SLC9A6: variants seen among roughly 807,000 people sequenced by gnomAD.
SLC9A6 encodes the protein solute carrier family 9 member A6, also known as sodium/hydrogen exchanger 6.
SLC9A6 carries 6 observed loss-of-function variants against 45.3 expected under a neutral mutation model. The ratio of observed to expected loss-of-function variants is 0.13; its 90% CI spans 0.07 to 0.26. The LOEUF (loss-of-function observed/expected upper bound fraction) is 0.26, where lower values mean the gene tolerates loss of function less well. Ranked by LOEUF, SLC9A6 falls within the 10% of genes least tolerant of loss-of-function variation. The pLI, the probability that SLC9A6 is intolerant of heterozygous loss-of-function variation, is 1.00. For missense variants in SLC9A6, 278 were observed against 503.7 expected (o/e 0.55, Z 4.29); for synonymous variants, 191 against 187.7 (o/e 1.02, Z -0.14).
chrX:135,995,513 G>A (rs782317390), intron 3 of SLC9A6, among the ~76,000 whole-genome samples: 1 of 110,318 alleles, frequency 9.1e-6, no homozygotes, highest in Non-Finnish European at 1.9e-5. Context: ...TAGTAGAGAC[G>A]GGGTTCTACC....
At chrX:136,005,405 G>A (rs1336404916) in intron 7 of SLC9A6, among the ~76,000 whole-genome samples, 3 of 112,781 alleles carry the variant, frequency 2.7e-5, no homozygotes, top group African/African-American at 9.7e-5. Flanking sequence ...AGCCGGCTGG[G>A]CGCAGTGGCT....
chrX:136,008,801 A>G (rs112561367), intron 7 of SLC9A6, among the ~76,000 whole-genome samples: 2 of 112,373 alleles, frequency 1.8e-5, no homozygotes, highest in African/African-American at 3.2e-5. Context: ...TAAAATATCA[A>G]TTGATACAGA....
rs1006169808 is a variant in SLC9A6 at position 136,003,941 on chromosome X, A to G, written c.743+1728A>G. Reference sequence around the variant, plus strand: ...AGATATGTAGTTATGTATTACTTATACCAATTTAATTGCAGACAATTTTGA... The same window carrying G: ...AGATATGTAGTTATGTATTACTTATGCCAATTTAATTGCAGACAATTTTGA... On this transcript the variant is annotated intron_variant, in intron 7 of 17. Coordinates refer to ENST00000630721, the MANE Select transcript of SLC9A6 (RefSeq NM_001379110.1). Among the ~76,000 whole-genome samples, 17 of 111,066 alleles carry G rather than the reference A, an allele frequency of 1.5e-4. No individual in the cohort carries two copies. The Admixed American group carries it at 1.6e-3, about 11-fold the overall frequency.
At chrX:136,007,638 A>G (rs891156851) in intron 7 of SLC9A6, among the ~76,000 whole-genome samples, 1 of 111,895 alleles carries the variant, frequency 8.9e-6, no homozygotes, top group East Asian at 2.8e-4. Context: ...TAGTATACAT[A>G]TAAATATGTT....
At chrX:135,993,037 G>A (rs2089454804) in intron 2 of SLC9A6, among the ~76,000 whole-genome samples, 1 of 112,252 alleles carries the variant, frequency 8.9e-6, no homozygotes, top group Non-Finnish European at 1.9e-5. Context: ...GTTAAGGAAA[G>A]TTCCAGAAGT....
rs782139718 is a variant in SLC9A6, at chrX:136,008,397, G to A, written c.744-2045G>A. ...ATTACAGGCATGCACCACCATGCCC[G>A]GCTAATTTTGTATTTTTATTTTTAG... On this transcript the variant is annotated intron_variant, in intron 7 of 17. Coordinates refer to ENST00000630721, the MANE Select transcript of SLC9A6 (RefSeq NM_001379110.1). Among the ~76,000 whole-genome samples, 11 of 111,313 alleles carry A rather than the reference G, an allele frequency of 9.9e-5. No individual in the cohort carries two copies. The South Asian group carries it at 4.2e-3, about 42-fold the overall frequency.
chrX:135,987,150 A>G (rs1297579141), intron 2 of SLC9A6, among the ~76,000 whole-genome samples: 1 of 111,963 alleles, frequency 8.9e-6, no homozygotes, highest in Admixed American at 9.5e-5. Flanking sequence ...CCTGCGTGTA[A>G]AATATCTCTG....
intron 11 of SLC9A6, among the ~76,000 whole-genome samples, chrX:136,020,081 G>A (rs2071093634): frequency 8.9e-6 from 1 of 111,919 alleles, no homozygotes; most frequent in African/African-American, 3.3e-5. Flanking sequence ...TATATGAAGG[G>A]TATATACTTA....
intron 2 of SLC9A6, among the ~76,000 whole-genome samples, chrX:135,993,245 A>G (rs2089457549): frequency 8.9e-6 from 1 of 111,768 alleles, no homozygotes; most frequent in African/African-American, 3.3e-5. Context: ...CCATAAAGAA[A>G]GAAAGTAGAT....
chrX:136,023,712 T>C (rs1296567277), intron 12 of SLC9A6, among the ~76,000 whole-genome samples: 2 of 110,756 alleles, frequency 1.8e-5, no homozygotes, highest in East Asian at 5.7e-4. Context: ...GATGAAACCA[T>C]TCTGTGTCTT....
At chrX:136,010,732 A>C (rs1432431896) in intron 8 of SLC9A6, 149 bp downstream of exon 8, 2 of 540,011 alleles carry the variant, frequency 3.7e-6, no homozygotes, top group African/African-American at 4.7e-5. Flanking sequence ...ATTAAGCAAC[A>C]GTCTTTGCCA....
At chrX:136,000,355 AT>A (rs2089564503) in intron 6 of SLC9A6, among the ~76,000 whole-genome samples, 1 of 110,704 alleles carries the variant, frequency 9.0e-6, no homozygotes, top group South Asian at 3.9e-4. Context: ...TGGAAATTAA[AT>A]TGCTTCCTTA....
chrX:135,989,718 G>C (rs1238142181), intron 2 of SLC9A6, among the ~76,000 whole-genome samples: 2 of 111,704 alleles, frequency 1.8e-5, no homozygotes, highest in African/African-American at 6.5e-5. Context: ...TGATTGGCTG[G>C]AATAATGGGC....
intron 2 of SLC9A6, among the ~76,000 whole-genome samples, chrX:135,990,920 C>T (rs1172800312): frequency 9.0e-6 from 1 of 111,689 alleles, no homozygotes; most frequent in Non-Finnish European, 1.9e-5. Flanking sequence ...TTTACTGAGC[C>T]TCTTAATTAG....
chrX:136,008,497 T>C (rs1315014850), intron 7 of SLC9A6, among the ~76,000 whole-genome samples: 1 of 112,280 alleles, frequency 8.9e-6, no homozygotes, highest in Admixed American at 9.4e-5. Flanking sequence ...TGCCTCGGCC[T>C]CCCAAAGTGC....
At chrX:136,007,559 A>T (rs1467286583) in intron 7 of SLC9A6, among the ~76,000 whole-genome samples, 4 of 111,939 alleles carry the variant, frequency 3.6e-5, no homozygotes, top group African/African-American at 1.3e-4. Flanking sequence ...AAAGTAGAAA[A>T]TTCCTGAAAT....
chrX:136,006,127 A>G (rs1556617948), intron 7 of SLC9A6, among the ~76,000 whole-genome samples: 1 of 111,606 alleles, frequency 9.0e-6, no homozygotes, highest in African/African-American at 3.3e-5. Context: ...CAGATAGTCT[A>G]CTTTGTGTTG....
intron 2 of SLC9A6, among the ~76,000 whole-genome samples, chrX:135,991,121 G>A (rs782767668): frequency 1.8e-5 from 2 of 111,727 alleles, no homozygotes; most frequent in East Asian, 2.8e-4. Flanking sequence ...TCGAACCTTT[G>A]TTTAAACGTT....
chrX:136,032,626 C>T lies in SLC9A6; in HGVS notation c.1582-788C>T, dbSNP rs978789. Among the ~76,000 whole-genome samples the T allele has an allele frequency of 2.9e-4, 33 of 112,094 alleles. 1 individual carries two copies. The East Asian group carries it at 9.3e-3, about 32-fold the overall frequency. ...TATATTTTTGGAAACTTTTAGAAGA[C>T]GCCTACTTGCTATGTTAGTTTCTCC... On this transcript the variant is annotated intron_variant, in intron 15 of 17. Transcript: ENST00000630721.
Sources: gnomAD v4.1 joint callset for allele counts (sites outside exome capture counted in the v4.1 genomes callset) on GRCh38, gnomAD v4.1.1 for gene constraint, MANE v1.5 for transcripts, NCBI Gene and HGNC (gene_info 2026-07-23, HGNC 2026-07-21) for gene names.